Variants in SLC47A1 observed in about 807,000 individuals in gnomAD.
The protein encoded by SLC47A1 is multidrug and toxin extrusion protein 1.
A neutral mutation model predicts 65.8 loss-of-function variants in SLC47A1; 58 were observed. That is an observed-to-expected ratio of 0.88 (90% CI 0.71 to 1.10). SLC47A1 has a LOEUF of 1.10. Ranked by LOEUF, SLC47A1 falls within the 50% of genes least tolerant of loss-of-function variation. The pLI is 0.00. For missense variants in SLC47A1, 706 were observed against 719.2 expected (o/e 0.98, Z 0.21); for synonymous variants, 285 against 295.0 (o/e 0.97, Z 0.35).
chr17:19,575,055 C>A lies in SLC47A1; in HGVS notation c.1486+2194C>A, dbSNP rs187799650. ...GTATGATTCTGTTCAAAATGATTTTCTTTTTCTCCCTCCCTCCCTCCCTCC... is the reference window on the plus strand; with the variant it reads ...GTATGATTCTGTTCAAAATGATTTTATTTTTCTCCCTCCCTCCCTCCCTCC... On this transcript the variant is annotated intron_variant, in intron 16 of 16. Coordinates refer to ENST00000270570, the MANE Select transcript of SLC47A1 (RefSeq NM_018242.3). Among the ~76,000 whole-genome samples the A allele has an allele frequency of 2.4e-3, 361 of 151,384 alleles. 1 individual carries two copies. Among genetic ancestry groups the A allele is most frequent in the Middle Eastern group, 6.8e-3 (2 of 294 alleles).
chr17:19,566,583 G>A (rs1364225326), intron 12 of SLC47A1, among the ~76,000 whole-genome samples: 1 of 151,972 alleles, frequency 6.6e-6, no homozygotes, highest in Admixed American at 6.6e-5. Flanking sequence ...CCACCACCAG[G>A]CCTGGCTAAT....
chr17:19,563,218 T>C (rs1044684760), intron 12 of SLC47A1, among the ~76,000 whole-genome samples: 1 of 143,952 alleles, frequency 6.9e-6, no homozygotes, highest in Non-Finnish European at 1.5e-5. Flanking sequence ...CTGCAAGCTC[T>C]GCCTCCCGGG....
intron 1 of SLC47A1, among the ~76,000 whole-genome samples, chr17:19,538,136 G>A (rs1916045031): frequency 2.0e-5 from 3 of 152,248 alleles, no homozygotes; most frequent in African/African-American, 7.2e-5. Context: ...ATCACGGATT[G>A]CGAGAGTCCT....
At position 19,578,139 on chromosome 17, in the gene SLC47A1, A is replaced by G. The variant is rs1410017135; in HGVS notation, c.*586A>G. The G allele has an allele frequency of 2.2e-6, 1 of 448,698 alleles. No individual in the cohort carries two copies. The highest frequency in any genetic ancestry group is 7.1e-5 in the East Asian group (1 of 14,074). 27.8% of individuals were successfully genotyped at this position (448,698 alleles called of 1,614,324 possible). On this transcript the variant is annotated 3_prime_UTR_variant, in exon 17 of 17. Transcript: ENST00000270570. ...GCTGAGACTACAGGGGTATGCCACC[A>G]TGCCCAGCTGGCATTTGTTAATCTT...
intron 2 of SLC47A1, among the ~76,000 whole-genome samples, chr17:19,543,584 G>A (rs1479706263): frequency 6.6e-6 from 1 of 152,172 alleles, no homozygotes; most frequent in East Asian, 1.9e-4. Flanking sequence ...AATGGGTCTG[G>A]AAGGTAAAAA....
intron 8 of SLC47A1, 21 bp from the exon 9 acceptor site, chr17:19,555,775 A>G: frequency 1.2e-6 from 2 of 1,613,120 alleles, no homozygotes; most frequent in South Asian, 2.2e-5. Context: ...TCTCCTGGAA[A>G]TGTGTGTGTC....
At chr17:19,577,222 T>C in intron 16 of SLC47A1, 105 bp from the exon 17 acceptor site, 1 of 1,452,390 alleles carries the variant, frequency 6.9e-7, no homozygotes, top group Non-Finnish European at 9.2e-7. Flanking sequence ...GTGTCCTGAA[T>C]TAACTTTCTC....
intron 12 of SLC47A1, among the ~76,000 whole-genome samples, chr17:19,563,352 T>G (rs1330019320): frequency 2.0e-5 from 3 of 151,864 alleles, no homozygotes; most frequent in African/African-American, 7.3e-5. Context: ...CAGGATGGTC[T>G]CGATCTCCTG....
chr17:19,571,353 G>A, intron 14 of SLC47A1, 125 bp from the exon 15 acceptor site: 1 of 758,480 alleles, frequency 1.3e-6, no homozygotes, highest in Non-Finnish European at 2.1e-6. Flanking sequence ...CCCGCTGTGG[G>A]CTCCACCTCA....
At chr17:19,548,284 C>T in intron 4 of SLC47A1, 151 bp downstream of exon 4, 2 of 873,352 alleles carry the variant, frequency 2.3e-6, no homozygotes, top group South Asian at 2.3e-5. Context: ...GTACTTTCCA[C>T]ACCTGGCATC....
chr17:19,576,065 G>GT (rs1422375040), intron 16 of SLC47A1, among the ~76,000 whole-genome samples: 1 of 151,716 alleles, frequency 6.6e-6, no homozygotes, highest in African/African-American at 2.4e-5. Context: ...GGACAGACTG[G>GT]TTCCCTTTGG....
intron 1 of SLC47A1, chr17:19,534,679 C>G (rs1034002104): frequency 6.6e-6 from 1 of 152,118 alleles, no homozygotes; most frequent in Non-Finnish European, 1.5e-5. Flanking sequence ...CCTGTACCAC[C>G]CCCTCCCCGC....
intron 16 of SLC47A1, among the ~76,000 whole-genome samples, chr17:19,575,692 G>A (rs1286349354): frequency 6.6e-6 from 1 of 152,032 alleles, no homozygotes; most frequent in South Asian, 2.1e-4. Context: ...GAACCACCAC[G>A]CCTGGCCTAT....
At chr17:19,571,180 G>C (rs1223011213) in intron 14 of SLC47A1, among the ~76,000 whole-genome samples, 1 of 151,756 alleles carries the variant, frequency 6.6e-6, no homozygotes, top group Non-Finnish European at 1.5e-5. Flanking sequence ...TAATATTCAA[G>C]CATTATAATC....
intron 15 of SLC47A1, among the ~76,000 whole-genome samples, chr17:19,572,109 A>G (rs1167992351): frequency 1.3e-5 from 2 of 152,118 alleles, no homozygotes; most frequent in Non-Finnish European, 2.9e-5. Context: ...ATCTGTGATC[A>G]CTGCACTCCA....
intron 4 of SLC47A1, among the ~76,000 whole-genome samples, chr17:19,548,625 G>T (rs1808941): frequency 6.6e-6 from 1 of 151,320 alleles, no homozygotes; most frequent in African/African-American, 2.4e-5. Flanking sequence ...TCAGGCTCCC[G>T]AGTAGCTGAG....
chr17:19,577,572 C>G lies in SLC47A1; in HGVS notation c.*19C>G, dbSNP rs2084451081. 1.2e-6 allele frequency: 2 copies of G among 1,613,468 alleles called. No homozygotes were observed. The highest frequency in any genetic ancestry group is 1.7e-6 in the Non-Finnish European group (2 of 1,179,720). On this transcript the variant is annotated 3_prime_UTR_variant, in exon 17 of 17. Coordinates refer to ENST00000270570, the MANE Select transcript of SLC47A1 (RefSeq NM_018242.3). ...TCAGTGACGTGGTAGGAAAGAAAGTCAGGTCAAGTGATGCTTTTGAGCTTA... is the reference window on the plus strand; with the variant it reads ...TCAGTGACGTGGTAGGAAAGAAAGTGAGGTCAAGTGATGCTTTTGAGCTTA...
At chr17:19,558,734 G>A (rs1160257109) in intron 10 of SLC47A1, among the ~76,000 whole-genome samples, 1 of 152,086 alleles carries the variant, frequency 6.6e-6, no homozygotes, top group Non-Finnish European at 1.5e-5. Context: ...CACAGCCATT[G>A]CACCCTGCCA....
chr17:19,569,589 A>G (rs1158472660), intron 14 of SLC47A1, among the ~76,000 whole-genome samples: 1 of 152,222 alleles, frequency 6.6e-6, no homozygotes, highest in East Asian at 1.9e-4. Context: ...CTAGGAGAGC[A>G]TCAGAATTCT....
Sources: allele counts gnomAD v4.1 joint callset (sites outside exome capture counted in the v4.1 genomes callset), GRCh38; gene constraint gnomAD v4.1.1; transcripts MANE v1.5; gene names NCBI Gene and HGNC (gene_info 2026-07-23, HGNC 2026-07-21).